Variants in BMP6 observed in about 807,000 individuals in gnomAD.
The protein encoded by BMP6 is VG-1-R.
BMP6 carries 17 observed loss-of-function variants against 54.1 expected under a neutral mutation model. The ratio of observed to expected loss-of-function variants is 0.31; its 90% confidence interval spans 0.22 to 0.47. The LOEUF (loss-of-function observed/expected upper bound fraction) is 0.47. BMP6 is among the 20% of genes least tolerant of loss of function. The pLI is 1.00. For synonymous variants in BMP6, 328 were observed against 291.2 expected (o/e 1.13, Z -1.28); for missense variants, 720 against 690.4 (o/e 1.04, Z -0.48).
intron 1 of BMP6, among the ~76,000 whole-genome samples, chr6:7,766,310 G>A (rs1181908261): frequency 6.6e-6 from 1 of 152,140 alleles, no homozygotes; most frequent in African/African-American, 2.4e-5. Context: ...GCTAAATAAA[G>A]TGGATTATAA....
At chr6:7,740,841 C>T (rs556561648) in intron 1 of BMP6, among the ~76,000 whole-genome samples, 1 of 152,158 alleles carries the variant, frequency 6.6e-6, no homozygotes, top group Admixed American at 6.5e-5. Context: ...TCCCTAAGTT[C>T]CCTGCAGAAG....
intron 4 of BMP6, among the ~76,000 whole-genome samples, chr6:7,873,924 A>G (rs1026878806): frequency 7.2e-5 from 11 of 151,930 alleles, no homozygotes; most frequent in African/African-American, 2.7e-4. Flanking sequence ...CTAGCACGAG[A>G]CGGTATTTTG....
At chr6:7,792,699 G>C (rs1376707472) in intron 1 of BMP6, among the ~76,000 whole-genome samples, 1 of 152,222 alleles carries the variant, frequency 6.6e-6, no homozygotes, top group Non-Finnish European at 1.5e-5. Flanking sequence ...ACAAGGCAGA[G>C]CCAGTAACAG....
intron 1 of BMP6, among the ~76,000 whole-genome samples, chr6:7,759,696 CTT>C (rs71542880): frequency 8.0e-5 from 5 of 62,152 alleles, no homozygotes; most frequent in Non-Finnish European, 9.9e-5. Context: ...CTTTCTTCTT[CTT>C]TTTTTTTTTT....
chr6:7,834,032 A>T (rs879872512), intron 1 of BMP6, among the ~76,000 whole-genome samples: 9 of 152,164 alleles, frequency 5.9e-5, no homozygotes, highest in Non-Finnish European at 1.3e-4. Context: ...GTTTCTGTGA[A>T]TGCAAAGACC....
intron 1 of BMP6, among the ~76,000 whole-genome samples, chr6:7,766,950 T>C (rs1423851327): frequency 5.4e-5 from 6 of 111,458 alleles, no homozygotes; most frequent in Admixed American, 1.0e-4. Flanking sequence ...TTTATTTTTA[T>C]TTTTTATTTA....
chr6:7,780,868 A>G (rs546410010), intron 1 of BMP6, among the ~76,000 whole-genome samples: 6 of 151,742 alleles, frequency 4.0e-5, no homozygotes, highest in African/African-American at 1.4e-4. Context: ...CCCCTACCAC[A>G]CCTGGCTAAT....
chr6:7,811,500 A>T (rs1461895535), intron 1 of BMP6, among the ~76,000 whole-genome samples: 1 of 152,154 alleles, frequency 6.6e-6, no homozygotes, highest in Admixed American at 6.5e-5. Context: ...CAGTTCGGGC[A>T]AATGTATGTT....
At chr6:7,739,329 AT>A (rs1255001875) in intron 1 of BMP6, among the ~76,000 whole-genome samples, 1 of 152,154 alleles carries the variant, frequency 6.6e-6, no homozygotes, top group Non-Finnish European at 1.5e-5. Context: ...GTAGACTCCA[AT>A]TTACCCCTGA....
intron 1 of BMP6, among the ~76,000 whole-genome samples, chr6:7,840,836 A>G (rs1041447297): frequency 6.6e-6 from 1 of 152,178 alleles, no homozygotes; most frequent in African/African-American, 2.4e-5. Flanking sequence ...CAGAGAACAC[A>G]GCGCCGCATT....
At chr6:7,792,230 C>T (rs373481507) in intron 1 of BMP6, among the ~76,000 whole-genome samples, 5 of 152,312 alleles carry the variant, frequency 3.3e-5, no homozygotes, top group African/African-American at 1.2e-4. Context: ...GGGTGGATAA[C>T]ACCCACATTA....
At chr6:7,837,770 G>A (rs1758896725) in intron 1 of BMP6, among the ~76,000 whole-genome samples, 1 of 151,808 alleles carries the variant, frequency 6.6e-6, no homozygotes, top group East Asian at 1.9e-4. Context: ...AACACGACTT[G>A]TTCCCCCAAA....
chr6:7,808,922 A>AAAC (rs1758393755), intron 1 of BMP6, among the ~76,000 whole-genome samples: 1 of 150,866 alleles, frequency 6.6e-6, no homozygotes, highest in Non-Finnish European at 1.5e-5. Flanking sequence ...TCTAAAAAAA[A>AAAC]AAAAAAAAAA....
At chr6:7,829,121 C>A (rs1262187472) in intron 1 of BMP6, among the ~76,000 whole-genome samples, 1 of 152,222 alleles carries the variant, frequency 6.6e-6, no homozygotes, top group Admixed American at 6.5e-5. Flanking sequence ...GCCCCATCGT[C>A]ATGGTCAGAA....
Position 7,845,258 on chromosome 6 carries a change from C to T in BMP6, c.783C>T (p.Asp261=). Residue 261 remains aspartate, a synonymous_variant, in exon 2 of 7, where the codon GAC becomes GAT. Coordinates refer to ENST00000283147, the MANE Select transcript of BMP6 (RefSeq NM_001718.6). ...VTAAEFRIYK[D]CVMGSFKNQT... ...CTGCAGAATTCCGCATCTACAAGGA[C>T]TGTGTTATGGGGAGTTTTAAAAACC... 6.2e-7 allele frequency: 1 copy of T among 1,614,112 alleles called. No homozygotes were observed. Among genetic ancestry groups the T allele is most frequent in the South Asian group, 1.1e-5 (1 of 91,072 alleles).
chr6:7,821,478 A>AG (rs951999659), intron 1 of BMP6, among the ~76,000 whole-genome samples: 95 of 152,306 alleles, frequency 6.2e-4, no homozygotes, highest in African/African-American at 2.2e-3. Flanking sequence ...TGAGGCCGGG[A>AG]GGGCAGCATC....
At chr6:7,867,391 T>A (rs564142835) in intron 4 of BMP6, among the ~76,000 whole-genome samples, 15 of 152,322 alleles carry the variant, frequency 9.8e-5, no homozygotes, top group African/African-American at 3.6e-4. Flanking sequence ...AACAGCTGTT[T>A]GAGTAGTTTA....
intron 4 of BMP6, among the ~76,000 whole-genome samples, chr6:7,866,730 G>A (rs1759429771): frequency 6.6e-6 from 1 of 152,198 alleles, no homozygotes; most frequent in African/African-American, 2.4e-5. Context: ...ATGTGAAATT[G>A]GAGTAGTCTC....
At chr6:7,868,740 T>G (rs1759470464) in intron 4 of BMP6, among the ~76,000 whole-genome samples, 1 of 152,262 alleles carries the variant, frequency 6.6e-6, no homozygotes, top group African/African-American at 2.4e-5. Context: ...TGGTATTTTC[T>G]TGGCTCTGTG....
Sources: allele counts gnomAD v4.1 joint callset (sites outside exome capture counted in the v4.1 genomes callset), GRCh38; gene constraint gnomAD v4.1.1; transcripts MANE v1.5; gene names NCBI Gene and HGNC (gene_info 2026-07-23, HGNC 2026-07-21).